The following ARHGAP20 variants were observed in gnomAD, a reference collection of about 807,000 sequenced individuals.
The protein encoded by ARHGAP20 is Rho GTPase activating protein 20.
In ARHGAP20, 34 loss-of-function variants were observed where a neutral mutation model predicts 73.7. The ratio of observed to expected loss-of-function variants is 0.46; its 90% CI spans 0.35 to 0.61. The LOEUF is 0.61. ARHGAP20 is among the 20% of genes least tolerant of loss of function. The pLI is 0.00. For synonymous variants in ARHGAP20, 523 were observed against 518.2 expected (o/e 1.01, Z -0.13); for missense variants, 1,314 against 1,420.9 (o/e 0.92, Z 1.21).
intron 2 of ARHGAP20, among the ~76,000 whole-genome samples, chr11:110,658,792 T>G (rs937973874): frequency 6.6e-6 from 1 of 151,794 alleles, no homozygotes; most frequent in African/African-American, 2.4e-5. Flanking sequence ...TGTTTTGTTT[T>G]CATGTCTTCG....
chr11:110,625,947 G>A (rs888840517), intron 3 of ARHGAP20, among the ~76,000 whole-genome samples: 1 of 152,108 alleles, frequency 6.6e-6, no homozygotes, highest in Non-Finnish European at 1.5e-5. Context: ...GAATTCATAA[G>A]ATGAAAAAGG....
intron 9 of ARHGAP20, among the ~76,000 whole-genome samples, chr11:110,594,664 A>T (rs1441195063): frequency 6.6e-6 from 1 of 152,182 alleles, no homozygotes; most frequent in Non-Finnish European, 1.5e-5. Flanking sequence ...ACCAACCAAA[A>T]AAAGTTCAGG....
At chr11:110,637,511 T>C (rs979966519) in intron 2 of ARHGAP20, among the ~76,000 whole-genome samples, 1 of 152,128 alleles carries the variant, frequency 6.6e-6, no homozygotes, top group Admixed American at 6.6e-5. Flanking sequence ...GCACCTATGT[T>C]CTGCTTTATA....
chr11:110,633,462 T>C (rs1948900698), intron 2 of ARHGAP20, among the ~76,000 whole-genome samples: 1 of 152,210 alleles, frequency 6.6e-6, no homozygotes, highest in Non-Finnish European at 1.5e-5. Context: ...GTTAAGTCCA[T>C]CAACTTTTTC....
chr11:110,685,022 A>T (rs186860542), intron 2 of ARHGAP20, among the ~76,000 whole-genome samples: 4 of 152,148 alleles, frequency 2.6e-5, no homozygotes, highest in Non-Finnish European at 5.9e-5. Flanking sequence ...CATGCAATGT[A>T]ACACATACGC....
chr11:110,586,484 GA>G (rs112073670), intron 11 of ARHGAP20, among the ~76,000 whole-genome samples, 159 bp from the exon 12 acceptor site: 3,442 of 152,264 alleles, frequency 0.023, 118 homozygotes, highest in African/African-American at 0.073. Flanking sequence ...TGGGGACACA[GA>G]AACATGTACT....
intron 1 of ARHGAP20, among the ~76,000 whole-genome samples, chr11:110,697,039 T>C (rs184207295): frequency 1.6e-4 from 25 of 151,808 alleles, no homozygotes; most frequent in African/African-American, 6.0e-4. Context: ...AACATAGAAA[T>C]GCAGGTGTCT....
In ARHGAP20 at chr11:110,580,155, G is replaced by A; in HGVS notation, c.2791C>T (p.Pro931Ser). The change falls in exon 15 of 15, where the codon CCA becomes TCA. Residue 931 changes from proline to serine, a missense_variant. Around this residue, in one of 3 missense-constraint regions of ARHGAP20, gnomAD observed 641 missense variants for 636.9 expected, o/e 1.01. Coordinates refer to ENST00000683387, the MANE Select transcript of ARHGAP20 (RefSeq NM_001384657.1). The stretch of plus-strand genomic sequence containing the variant: ...GATAAGCTGGAATAGCTGGTCCTTG[G>A]GCAAAGGTTTAATCTTGGGGGTAAA... ...KVLPPRLNLC[P>S]RTSYSSLSSP... 6.2e-7 allele frequency: 1 copy of A among 1,614,154 alleles called. No homozygotes were observed. Among genetic ancestry groups the A allele is most frequent in the Non-Finnish European group, 8.5e-7 (1 of 1,180,020 alleles).
intron 9 of ARHGAP20, 94 bp from the exon 10 acceptor site, chr11:110,592,249 T>A: frequency 8.2e-7 from 1 of 1,214,558 alleles, no homozygotes; most frequent in Non-Finnish European, 1.1e-6. Context: ...TTGCTATGGC[T>A]CAAAGAGAAA....
chr11:110,684,075 C>T (rs1950086416), intron 2 of ARHGAP20, among the ~76,000 whole-genome samples: 1 of 152,072 alleles, frequency 6.6e-6, no homozygotes. Context: ...GACTTGCCAA[C>T]CTTCAGAACT....
chr11:110,642,621 C>T (rs1949100511), intron 2 of ARHGAP20, among the ~76,000 whole-genome samples: 1 of 152,034 alleles, frequency 6.6e-6, no homozygotes, highest in Non-Finnish European at 1.5e-5. Context: ...AACCTTGCAT[C>T]CCAGGAATAA....
intron 12 of ARHGAP20, among the ~76,000 whole-genome samples, chr11:110,584,180 C>T (rs1464976165): frequency 3.3e-5 from 5 of 152,138 alleles, no homozygotes; most frequent in African/African-American, 9.7e-5. Context: ...TGGTAAGAAC[C>T]CAAACCTTAG....
intron 2 of ARHGAP20, among the ~76,000 whole-genome samples, chr11:110,683,793 C>T (rs75059948): frequency 0.017 from 2,614 of 152,112 alleles, 50 homozygotes; most frequent in African/African-American, 0.046. Flanking sequence ...TGAATGAGAG[C>T]GATCATCTTT....
In ARHGAP20 at chr11:110,580,173, G is replaced by C. The variant is rs1403032533; in HGVS notation, c.2773C>G (p.Pro925Ala). ...TNQNTEKVLP[P>A]RLNLCPRTSY... ...GTCCTTGGGCAAAGGTTTAATCTTG[G>C]GGGTAAAACCTTCTCAGTGTTTTGG... Residue 925 changes from proline to alanine, a missense_variant, in exon 15 of 15, where the codon CCA becomes GCA. Pro to Ala is a conservative substitution (Grantham distance 27, BLOSUM62 -1). This residue lies in a region of ARHGAP20 where 641 missense variants were observed against 636.9 expected (regional missense o/e 1.01). Transcript: ENST00000683387. 9 of 1,614,052 alleles carry C rather than the reference G, an allele frequency of 5.6e-6. No homozygotes were observed. Among genetic ancestry groups the C allele is most frequent in the Non-Finnish European group, 7.6e-6 (9 of 1,180,048 alleles).
intron 9 of ARHGAP20, among the ~76,000 whole-genome samples, chr11:110,605,896 A>G (rs1057389843): frequency 1.3e-5 from 2 of 151,858 alleles, no homozygotes; most frequent in Admixed American, 1.3e-4. Context: ...ATTTTCTACT[A>G]TCTCACTCAT....
intron 2 of ARHGAP20, among the ~76,000 whole-genome samples, chr11:110,656,762 C>A (rs1317288211): frequency 2.6e-5 from 4 of 152,204 alleles, no homozygotes; most frequent in Admixed American, 1.3e-4. Flanking sequence ...CCTGAACTAC[C>A]TCCAAACTTT....
intron 9 of ARHGAP20, among the ~76,000 whole-genome samples, chr11:110,596,094 T>G (rs1213646940): frequency 6.6e-6 from 1 of 152,154 alleles, no homozygotes; most frequent in Non-Finnish European, 1.5e-5. Context: ...TAGCCATATG[T>G]AGAAAGCTGA....
Position 110,579,563 on chromosome 11 carries a change from A to C in ARHGAP20, c.3383T>G (p.Leu1128Arg). 6.2e-7 allele frequency: 1 copy of C among 1,613,866 alleles called. No individual in the cohort carries two copies. The highest frequency in any genetic ancestry group is 8.5e-7 in the Non-Finnish European group (1 of 1,179,740). ...SERHCSSPFS[L>R]VESRLKLCMK... ...GCACAGCTTAAGTCTGCTCTCCACCAGGCTGAATGGAGAGCTACAGTGTCT... is the reference window on the plus strand; with the variant it reads ...GCACAGCTTAAGTCTGCTCTCCACCCGGCTGAATGGAGAGCTACAGTGTCT... Residue 1128 changes from leucine to arginine, a missense_variant, in exon 15 of 15, where the codon CTG (leucine) becomes CGG (arginine). Leu to Arg is a moderately radical substitution (Grantham distance 102). Coordinates refer to ENST00000683387, the MANE Select transcript of ARHGAP20 (RefSeq NM_001384657.1).
chr11:110,618,573 T>A (rs868691833), intron 4 of ARHGAP20, among the ~76,000 whole-genome samples: 4 of 151,256 alleles, frequency 2.6e-5, no homozygotes, highest in African/African-American at 7.3e-5. Flanking sequence ...GTAGTGATAG[T>A]GTATATGTAG....
Sources: allele counts gnomAD v4.1 joint callset (sites outside exome capture counted in the v4.1 genomes callset), GRCh38; gene constraint gnomAD v4.1.1; regional missense constraint gnomAD v4.1.1; transcripts MANE v1.5; gene names NCBI Gene and HGNC (gene_info 2026-07-23, HGNC 2026-07-21).